Variants in CAMTA1 observed in about 807,000 individuals in gnomAD.
CAMTA1 encodes calmodulin-binding transcription activator 1.
CAMTA1 carries 27 observed loss-of-function variants against 170.9 expected under a neutral mutation model. The observed-to-expected ratio is 0.16, with a 90% confidence interval of 0.12 to 0.22. CAMTA1 has a LOEUF of 0.22. CAMTA1 is among the 10% of genes least tolerant of loss of function. CAMTA1 has a pLI of 1.00. For missense variants in CAMTA1, 1,619 were observed against 2,217.2 expected, an observed-to-expected ratio of 0.73 and a Z score of 5.42; for synonymous variants, 833 against 891.5, an observed-to-expected ratio of 0.93 and a Z score of 1.17.
At chr1:7,613,214 A>G (rs966595030) in intron 6 of CAMTA1, among the ~76,000 whole-genome samples, 2 of 152,254 alleles carry the variant, frequency 1.3e-5, no homozygotes, top group African/African-American at 4.8e-5. Flanking sequence ...ACAGTTGGCA[A>G]GTCGCCTTGG....
At chr1:7,663,233 C>T (rs545775089) in intron 8 of CAMTA1, 120 bp from the exon 9 acceptor site, 5 of 1,369,990 alleles carry the variant, frequency 3.6e-6, no homozygotes, top group Middle Eastern at 2.2e-4. Flanking sequence ...TGCCAGGGAC[C>T]CCAGCCGCTG....
At chr1:6,963,209 C>G (rs1328755181) in intron 3 of CAMTA1, among the ~76,000 whole-genome samples, 1 of 144,626 alleles carries the variant, frequency 6.9e-6, no homozygotes, top group East Asian at 2.0e-4. Context: ...CGCCCCGCCC[C>G]TTTGGAACTA....
intron 5 of CAMTA1, among the ~76,000 whole-genome samples, chr1:7,301,285 G>T (rs926328733): frequency 6.6e-6 from 1 of 152,228 alleles, no homozygotes; most frequent in Non-Finnish European, 1.5e-5. Flanking sequence ...TGCGAGAGGT[G>T]TAGATTTTAA....
At chr1:7,614,494 G>A (rs757762167) in intron 6 of CAMTA1, among the ~76,000 whole-genome samples, 5 of 152,098 alleles carry the variant, frequency 3.3e-5, no homozygotes, top group Non-Finnish European at 1.5e-5. Flanking sequence ...GTCACCGTGC[G>A]ACCTTCCCGG....
intron 6 of CAMTA1, among the ~76,000 whole-genome samples, chr1:7,606,217 G>A (rs1243612935): frequency 6.6e-6 from 1 of 152,162 alleles, no homozygotes. Flanking sequence ...CCCAGGCAGG[G>A]GCTGACAGAT....
At chr1:7,630,633 G>C (rs1283698124) in intron 6 of CAMTA1, among the ~76,000 whole-genome samples, 1 of 152,216 alleles carries the variant, frequency 6.6e-6, no homozygotes, top group Non-Finnish European at 1.5e-5. Flanking sequence ...AGCAGGGAAG[G>C]GCTGCCGGCC....
At chr1:7,530,671 G>A (rs2094480444) in intron 6 of CAMTA1, among the ~76,000 whole-genome samples, 1 of 152,070 alleles carries the variant, frequency 6.6e-6, no homozygotes, top group Non-Finnish European at 1.5e-5. Flanking sequence ...AGCTGCATAT[G>A]GAGCACACAG....
At chr1:6,929,812 T>G (rs1381378525) in intron 3 of CAMTA1, among the ~76,000 whole-genome samples, 1 of 152,234 alleles carries the variant, frequency 6.6e-6, no homozygotes, top group Non-Finnish European at 1.5e-5. Context: ...AGGACAGTTC[T>G]TTAAATGGCA....
intron 5 of CAMTA1, among the ~76,000 whole-genome samples, chr1:7,321,263 C>T (rs1208432610): frequency 6.6e-6 from 1 of 152,190 alleles, no homozygotes; most frequent in Non-Finnish European, 1.5e-5. Flanking sequence ...CGTTGGCTGC[C>T]ACTCTGACCT....
intron 4 of CAMTA1, among the ~76,000 whole-genome samples, chr1:7,232,644 G>GA (rs1194318138): frequency 2.8e-4 from 43 of 152,198 alleles, no homozygotes; most frequent in Admixed American, 2.8e-3. Context: ...GGAGCCTCCA[G>GA]AAACAGGTTG....
chr1:7,140,658 G>GA (rs1344615769), intron 4 of CAMTA1, among the ~76,000 whole-genome samples: 12 of 150,686 alleles, frequency 8.0e-5, no homozygotes, highest in African/African-American at 2.4e-4. Flanking sequence ...GAGTTTAAAA[G>GA]AAAAAAAAAG....
Position 7,585,248 on chromosome 1 carries a change from C to T in CAMTA1, c.511-55152C>T, listed in dbSNP as rs987707645. 2.0e-5 allele frequency among the ~76,000 whole-genome samples: 3 copies of T among 152,080 alleles called. No homozygotes were observed. The highest frequency in any genetic ancestry group is 1.9e-4 in the East Asian group (1 of 5,184). On this transcript the variant is annotated intron_variant, in intron 6 of 22. Transcript: ENST00000303635. This position sits in a 1 kb window ranked among gnomAD's most constrained non-coding sequence, Gnocchi z 4.8. ...TTTAAGATAGTGATAAATGCAGTAA[C>T]GACAGCCAGGCAGAGTAAAGGAAGG...
At chr1:6,905,407 C>G (rs1044582552) in intron 3 of CAMTA1, among the ~76,000 whole-genome samples, 4 of 152,086 alleles carry the variant, frequency 2.6e-5, no homozygotes, top group Non-Finnish European at 4.4e-5. Flanking sequence ...TTGGCCAGGG[C>G]TGGTGTTGAA....
At chr1:7,385,865 C>T (rs2149095109) in intron 5 of CAMTA1, among the ~76,000 whole-genome samples, 1 of 152,332 alleles carries the variant, frequency 6.6e-6, no homozygotes, top group South Asian at 2.1e-4. Context: ...GAGGCCCTCA[C>T]TGGCCATTTG....
At chr1:7,048,603 C>T (rs553840340) in intron 3 of CAMTA1, among the ~76,000 whole-genome samples, 13 of 152,300 alleles carry the variant, frequency 8.5e-5, no homozygotes, top group Admixed American at 2.6e-4. Flanking sequence ...TGTAAGAGAT[C>T]CAGCGTTCCT....
intron 6 of CAMTA1, among the ~76,000 whole-genome samples, chr1:7,527,362 G>A (rs779652776): frequency 1.3e-5 from 2 of 152,174 alleles, no homozygotes; most frequent in Non-Finnish European, 2.9e-5. Flanking sequence ...ATCCACCCCT[G>A]GAGAGTCATC....
At chr1:6,944,574 C>T (rs950810193) in intron 3 of CAMTA1, among the ~76,000 whole-genome samples, 15 of 152,156 alleles carry the variant, frequency 9.9e-5, no homozygotes, top group South Asian at 2.1e-4. Context: ...CTTCCCCAGG[C>T]GGTCCCATGC....
chr1:6,966,315 C>G (rs957908730), intron 3 of CAMTA1, among the ~76,000 whole-genome samples: 3 of 152,078 alleles, frequency 2.0e-5, no homozygotes, highest in African/African-American at 7.2e-5. Context: ...CCAAGAGAAA[C>G]CCCTCACTTC....
At chr1:7,531,195 A>C (rs2094489167) in intron 6 of CAMTA1, among the ~76,000 whole-genome samples, 1 of 152,010 alleles carries the variant, frequency 6.6e-6, no homozygotes, top group Non-Finnish European at 1.5e-5. Flanking sequence ...GGAGGGAAGG[A>C]GGGAAGGTGG....
Sources: allele counts gnomAD v4.1 joint callset (sites outside exome capture counted in the v4.1 genomes callset), GRCh38; gene constraint gnomAD v4.1.1; non-coding constraint Gnocchi (gnomAD v3.1); transcripts MANE v1.5; gene names NCBI Gene and HGNC (gene_info 2026-07-23, HGNC 2026-07-21).